SAMM50: variants seen among roughly 807,000 people sequenced by gnomAD.
SAMM50 encodes the protein sorting and assembly machinery component 50 homolog.
Under a neutral mutation model 66.9 loss-of-function variants are expected in SAMM50, and 47 were observed. The observed-to-expected ratio is 0.70, with a 90% CI of 0.56 to 0.90. The LOEUF (loss-of-function observed/expected upper bound fraction) is 0.90. Ranked by LOEUF, SAMM50 falls within the 40% of genes least tolerant of loss-of-function variation. The pLI, the probability that SAMM50 is intolerant of heterozygous loss-of-function variation, is 0.00. For synonymous variants in SAMM50, 191 were observed against 214.1 expected (o/e 0.89, Z 0.94); for missense variants, 535 against 595.3 (o/e 0.90, Z 1.05).
chr22:43,983,903 T>G lies in SAMM50; in HGVS notation c.1008-30T>G. ...CATGTCGTTTCTCACCTCCTGACTT[T>G]CCTCTGACCTGTGTGCTGTTTTGTC... is the stretch of plus-strand genomic sequence containing the variant. On this transcript the variant is annotated intron_variant, in intron 11 of 14. Coordinates refer to ENST00000350028, the MANE Select transcript of SAMM50 (RefSeq NM_015380.5). The surrounding 1 kb of genome is among the most constrained non-coding windows in gnomAD (Gnocchi z 4.2). The G allele has an allele frequency of 1.9e-6, 3 of 1,544,642 alleles. No individual in the cohort carries two copies. Among genetic ancestry groups the G allele is most frequent in the Non-Finnish European group, 2.7e-6 (3 of 1,130,188 alleles).
At chr22:43,995,708 T>C (rs2179642) in intron 14 of SAMM50, among the ~76,000 whole-genome samples, 64,398 of 152,096 alleles carry the variant, frequency 0.42, 14,674 homozygotes, top group African/African-American at 0.59. Flanking sequence ...GACTGGAGCC[T>C]CTTTGCTCCT....
At chr22:43,979,316 C>T (rs2050250364) in intron 10 of SAMM50, among the ~76,000 whole-genome samples, 1 of 152,216 alleles carries the variant, frequency 6.6e-6, no homozygotes, top group South Asian at 2.1e-4. Context: ...CTGGCTGTCT[C>T]AGCCCCTACC....
At chr22:43,961,771 C>T (rs1056218742) in intron 1 of SAMM50, among the ~76,000 whole-genome samples, 2 of 152,032 alleles carry the variant, frequency 1.3e-5, no homozygotes, top group East Asian at 1.9e-4. Flanking sequence ...AAAATAGAGA[C>T]GAGACTTCAT....
chr22:43,989,582 C>T (rs1431680732), intron 13 of SAMM50, among the ~76,000 whole-genome samples: 1 of 152,082 alleles, frequency 6.6e-6, no homozygotes, highest in Non-Finnish European at 1.5e-5. Flanking sequence ...GTGATCCACA[C>T]CCCCCTTGGA....
chr22:43,971,077 A>T (rs1176027462), intron 4 of SAMM50, among the ~76,000 whole-genome samples: 2 of 152,114 alleles, frequency 1.3e-5, no homozygotes, highest in Admixed American at 1.3e-4. Context: ...CTGAGGCAGG[A>T]GAATTGCTTG....
chr22:43,973,156 G>T, intron 6 of SAMM50, 80 bp from the exon 7 acceptor site: 1 of 1,320,972 alleles, frequency 7.6e-7, no homozygotes, highest in Non-Finnish European at 1.1e-6. Flanking sequence ...TACGGGCGTA[G>T]TGTTAAGTCT....
intron 1 of SAMM50, among the ~76,000 whole-genome samples, 158 bp downstream of exon 1, chr22:43,955,756 C>G (rs887560021): frequency 2.6e-5 from 4 of 152,192 alleles, no homozygotes; most frequent in Admixed American, 1.3e-4. Context: ...GAGGTCGCCT[C>G]GGGCCAGCGA....
intron 13 of SAMM50, 52 bp from the exon 14 acceptor site, chr22:43,990,213 G>A: frequency 6.2e-7 from 1 of 1,607,286 alleles, no homozygotes; most frequent in Non-Finnish European, 8.5e-7. Flanking sequence ...AGAGCTGGGA[G>A]AGCTTGGAAG....
At chr22:43,970,820 A>G (rs1481683508) in intron 4 of SAMM50, among the ~76,000 whole-genome samples, 1 of 152,104 alleles carries the variant, frequency 6.6e-6, no homozygotes, top group Non-Finnish European at 1.5e-5. Context: ...TCTAAGAAAT[A>G]AAGTCCACTA....
rs549417175 is a variant in SAMM50 at position 43,985,126 on chromosome 22, G to A, written c.1075+1126G>A. Among the ~76,000 whole-genome samples the A allele has an allele frequency of 5.9e-5, 9 of 151,810 alleles. No homozygotes were observed. In the South Asian group the frequency reaches 1.2e-3, roughly 21 times the overall value. On this transcript the variant is annotated intron_variant, in intron 12 of 14. Transcript: ENST00000350028. Reference sequence around the variant, plus strand: ...GTTGGGCAAAAAGTACAGTGTTCCCGTATAACCCCCATAGCTTCCTTATTA... The same window carrying A: ...GTTGGGCAAAAAGTACAGTGTTCCCATATAACCCCCATAGCTTCCTTATTA...
At chr22:43,968,611 C>T (rs2050186547) in intron 3 of SAMM50, 120 bp from the exon 4 acceptor site, 2 of 715,894 alleles carry the variant, frequency 2.8e-6, no homozygotes, top group Admixed American at 2.0e-5. Flanking sequence ...GTAGTGCTCT[C>T]TGCTCAGTGA....
At chr22:43,993,545 G>A (rs1382395822) in intron 14 of SAMM50, among the ~76,000 whole-genome samples, 2 of 152,234 alleles carry the variant, frequency 1.3e-5, no homozygotes, top group African/African-American at 4.8e-5. Context: ...TCCTAAGCAC[G>A]TGACATTTAA....
At chr22:43,977,314 A>C (rs988028452) in intron 9 of SAMM50, among the ~76,000 whole-genome samples, 1 of 152,100 alleles carries the variant, frequency 6.6e-6, no homozygotes, top group Admixed American at 6.5e-5. Context: ...CTTTACTGTA[A>C]GGTACCTACA....
chr22:43,972,041 T>G (rs2050206314), intron 4 of SAMM50, among the ~76,000 whole-genome samples, 195 bp from the exon 5 acceptor site: 1 of 152,174 alleles, frequency 6.6e-6, no homozygotes, highest in Admixed American at 6.6e-5. Context: ...GAAACATTAT[T>G]TTTTGGTGTA....
intron 2 of SAMM50, among the ~76,000 whole-genome samples, chr22:43,964,052 C>T (rs1164005436): frequency 2.0e-5 from 3 of 152,068 alleles, no homozygotes; most frequent in Non-Finnish European, 2.9e-5. Flanking sequence ...GGACTATAGG[C>T]GTGCACCACC....
rs1209515445 is a variant in SAMM50, at chr22:43,957,256, A to G, written c.21+1658A>G. 3 of 664,862 alleles carry G rather than the reference A, an allele frequency of 4.5e-6. No homozygotes were observed. The South Asian group carries it at 5.4e-5, about 12-fold the overall frequency. 41.2% of individuals were successfully genotyped at this position (664,862 alleles called of 1,614,324 possible). A position where few individuals can be genotyped will look rare whatever the true frequency, so the allele number is the denominator to read the frequency against. ...AAAGGTAACTCGGGCCCACAGAAACAATGGCATGATTCGTGCCAAATTCTG... is the reference window on the plus strand; with the variant it reads ...AAAGGTAACTCGGGCCCACAGAAACGATGGCATGATTCGTGCCAAATTCTG... On this transcript the variant is annotated intron_variant, in intron 1 of 14. Coordinates refer to ENST00000350028, the MANE Select transcript of SAMM50 (RefSeq NM_015380.5).
chr22:43,956,991 G>T, intron 1 of SAMM50: 1 of 674,476 alleles, frequency 1.5e-6, no homozygotes. Context: ...TGGCTCCTGT[G>T]GCGGCCTGCC....
intron 1 of SAMM50, among the ~76,000 whole-genome samples, chr22:43,960,485 C>G (rs1603418533): frequency 6.6e-6 from 1 of 152,090 alleles, no homozygotes; most frequent in Non-Finnish European, 1.5e-5. Context: ...TCCCAGCACT[C>G]TGGGAGGCTG....
intron 4 of SAMM50, among the ~76,000 whole-genome samples, chr22:43,970,798 G>A (rs1040208736): frequency 2.6e-5 from 4 of 151,288 alleles, no homozygotes; most frequent in East Asian, 1.9e-4. Flanking sequence ...CTTTCTGTGC[G>A]CCTAAAGCTG....
Sources: gnomAD v4.1 joint callset for allele counts (sites outside exome capture counted in the v4.1 genomes callset) on GRCh38, gnomAD v4.1.1 for gene constraint, Gnocchi (gnomAD v3.1) non-coding constraint, MANE v1.5 for transcripts, NCBI Gene and HGNC (gene_info 2026-07-23, HGNC 2026-07-21) for gene names.